Variants in IGFBP1 observed in about 807,000 individuals in gnomAD.
IGFBP1 encodes the protein insulin-like growth factor-binding protein 1.
IGFBP1 carries 31 observed loss-of-function variants against 23.1 expected under a neutral mutation model. The observed-to-expected ratio is 1.34, with a 90% CI of 1.01 to 1.81. The LOEUF is 1.81. Ranked by LOEUF, IGFBP1 falls within the 40% of genes most tolerant of loss-of-function variation. The probability of loss-of-function intolerance (pLI) is 0.00; values close to 1 mark genes in which losing one functional copy is unlikely to be tolerated. For synonymous variants in IGFBP1, 148 were observed against 145.5 expected (o/e 1.02, Z -0.13); for missense variants, 333 against 342.2 (o/e 0.97, Z 0.21).
Position 45,888,844 on chromosome 7 carries a change from C to T in IGFBP1, c.192C>T (p.Ala64=), listed in dbSNP as rs1263779579. Residue 64 remains alanine (A), a synonymous_variant, in exon 1 of 4, where the codon GCC becomes GCT. Transcript: ENST00000275525. ...GCTGCGGCTGTTGCCCGATGTGCGC[C>T]CTGCCTCTGGGCGCCGCGTGCGGCG... ...SAGCGCCPMC[A]LPLGAACGVA... is the part of the protein sequence containing the mutation. 1 of 1,534,458 alleles carries T rather than the reference C, an allele frequency of 6.5e-7. No homozygotes were observed.
At chr7:45,891,150 T>G (rs544244274) in intron 2 of IGFBP1, among the ~76,000 whole-genome samples, 1 of 152,332 alleles carries the variant, frequency 6.6e-6, no homozygotes, top group South Asian at 2.1e-4. Context: ...TAAGTAACAA[T>G]AAGTAATGCA....
intron 3 of IGFBP1, 83 bp downstream of exon 3, chr7:45,892,143 A>G: frequency 6.8e-7 from 1 of 1,476,062 alleles, no homozygotes; most frequent in South Asian, 1.3e-5. Flanking sequence ...CATTCATGTC[A>G]AAGAAGGTCC....
intron 1 of IGFBP1, among the ~76,000 whole-genome samples, chr7:45,890,180 C>T (rs116109983): frequency 9.7e-4 from 147 of 152,272 alleles, no homozygotes; most frequent in African/African-American, 3.0e-3. Flanking sequence ...GCTGAGGTTT[C>T]GAGGCTCCCT....
intron 1 of IGFBP1, 126 bp downstream of exon 1, chr7:45,889,127 T>C: frequency 2.9e-6 from 2 of 695,156 alleles, no homozygotes; most frequent in East Asian, 3.3e-5. Flanking sequence ...CAACTAGAGC[T>C]TGAAACCAGA....
chr7:45,890,199 G>A (rs1787056858), intron 1 of IGFBP1, among the ~76,000 whole-genome samples: 3 of 152,140 alleles, frequency 2.0e-5, no homozygotes, highest in Admixed American at 1.3e-4. Context: ...CTACTAATGC[G>A]GTTAGGAACT....
rs1312510773 is a variant in IGFBP1 at position 45,889,019 on chromosome 7, C to G, written c.349+18C>G. 8 of 1,491,826 alleles carry G rather than the reference C, an allele frequency of 5.4e-6. No homozygotes were observed. The highest frequency in any genetic ancestry group is 7.1e-6 in the Non-Finnish European group (8 of 1,125,828). The allele number at this position is 1,491,826 out of a possible 1,614,324, so 92.4% of individuals were successfully genotyped here. A position where few individuals can be genotyped will look rare whatever the true frequency, so the allele number is the denominator to read the frequency against. On this transcript the variant is annotated intron_variant, in intron 1 of 3. Transcript: ENST00000275525. ...TGCTGCAGGTACCACAGTCCCGCCC[C>G]TGCTCCAGCACCTCCTGCCGCCCGC... is the stretch of plus-strand genomic sequence containing the variant.
intron 1 of IGFBP1, among the ~76,000 whole-genome samples, chr7:45,890,307 C>A (rs1222291003): frequency 2.0e-5 from 3 of 152,178 alleles, no homozygotes; most frequent in African/African-American, 4.8e-5. Context: ...ACGTGGGGCA[C>A]CCTTGCCAGG....
At chr7:45,890,413 G>A (rs1787059335) in intron 1 of IGFBP1, 135 bp from the exon 2 acceptor site, 1 of 828,142 alleles carries the variant, frequency 1.2e-6, no homozygotes. Context: ...GTGAGAGTCA[G>A]TGAAAATCAG....
At position 45,888,915 on chromosome 7, in the gene IGFBP1, C is replaced by CG. The variant is rs747136225; in HGVS notation, c.268dup (p.Glu90GlyfsTer20). 2.1e-5 allele frequency: 31 copies of CG among 1,503,724 alleles called. No individual in the cohort carries two copies. Among genetic ancestry groups the CG allele is most frequent in the Admixed American group, 1.8e-4 (8 of 45,704 alleles). The allele number at this position is 1,503,724 out of a possible 1,614,324, so 93.1% of individuals were successfully genotyped here. ...CGGGGACTCAGTTGCCGCGCGCTGC[C>CG]GGGGGAGCAGCAACCTCTGCACGCC... On this transcript the variant is annotated frameshift_variant, in exon 1 of 4. Transcript: ENST00000275525. LOFTEE classifies it high-confidence loss of function.
chr7:45,890,532 A>C lies in IGFBP1; in HGVS notation c.350-16A>C, dbSNP rs767267362. On this transcript the variant is annotated splice_polypyrimidine_tract_variant and intron_variant, in intron 1 of 3. Transcript: ENST00000275525. Reference sequence around the variant, plus strand: ...CTTTGGGAGGGCTCATGGGGTCTGCAATGTTTCCTTTCCAGAGGCAGGGAG... The same window carrying C: ...CTTTGGGAGGGCTCATGGGGTCTGCCATGTTTCCTTTCCAGAGGCAGGGAG... The C allele has an allele frequency of 3.9e-5, 63 of 1,598,850 alleles. No homozygotes were observed. Among genetic ancestry groups the C allele is most frequent in the Non-Finnish European group, 5.3e-5 (62 of 1,173,696 alleles).
rs763755284 is a variant in IGFBP1, at chr7:45,890,627, T to C, written c.429T>C (p.Pro143=). 4.3e-6 allele frequency: 7 copies of C among 1,613,970 alleles called. No homozygotes were observed. The highest frequency in any genetic ancestry group is 5.9e-6 in the Non-Finnish European group (7 of 1,179,952). Residue 143 remains proline (P), a synonymous_variant, in exon 2 of 4, where the codon CCT becomes CCC. Transcript: ENST00000275525. ...TGGATAATTTCCATCTGATGGCCCC[T>C]TCTGAAGAGGATCATTCCATCCTTT... ...ELLDNFHLMA[P]SEEDHSILWD... is the part of the protein sequence containing the mutation.
chr7:45,889,734 G>A (rs1484774973), intron 1 of IGFBP1, among the ~76,000 whole-genome samples: 1 of 152,186 alleles, frequency 6.6e-6, no homozygotes, highest in Non-Finnish European at 1.5e-5. Context: ...TGGACTGCTT[G>A]CACGTCCTGT....
chr7:45,889,089 G>A lies in IGFBP1; in HGVS notation c.349+88G>A, dbSNP rs1424896116. On this transcript the variant is annotated intron_variant, in intron 1 of 3. Transcript: ENST00000275525. ...CCCCCACTCCCCTAACTACTGGGTG[G>A]GGCTGCAGCCGGGCAGGGGCTTGTC... 49 of 1,022,176 alleles carry A rather than the reference G, an allele frequency of 4.8e-5. No individual in the cohort carries two copies. The East Asian group carries it at 1.5e-3, about 32-fold the overall frequency. 63.3% of individuals were successfully genotyped at this position (1,022,176 alleles called of 1,614,324 possible). A position where few individuals can be genotyped will look rare whatever the true frequency, so the allele number is the denominator to read the frequency against.
At chr7:45,890,006 G>A (rs1787054478) in intron 1 of IGFBP1, among the ~76,000 whole-genome samples, 2 of 152,174 alleles carry the variant, frequency 1.3e-5, no homozygotes, top group Non-Finnish European at 2.9e-5. Context: ...GGGGGTGGAG[G>A]GGGTGTTGCA....
chr7:45,889,396 A>C (rs1311336363), intron 1 of IGFBP1, among the ~76,000 whole-genome samples: 1 of 152,190 alleles, frequency 6.6e-6, no homozygotes, highest in Non-Finnish European at 1.5e-5. Flanking sequence ...CCTTGCCAGC[A>C]CGTGGGCAGC....
rs1388929505 is a variant in IGFBP1, at chr7:45,892,012, A to T, written c.600A>T (p.Lys200Asn). The T allele has an allele frequency of 4.3e-6, 7 of 1,614,068 alleles. No individual in the cohort carries two copies. The highest frequency in any genetic ancestry group is 5.9e-6 in the Non-Finnish European group (7 of 1,180,022). Residue 200 changes from lysine (K) to asparagine (N), a missense_variant, in exon 3 of 4, where the codon AAA becomes AAT. Coordinates refer to ENST00000275525, the MANE Select transcript of IGFBP1 (RefSeq NM_000596.4). Reference protein sequence around the residue: ...AQETSGEEISKFYLPNCNKNG... With the variant: ...AQETSGEEISNFYLPNCNKNG... The stretch of plus-strand genomic sequence containing the variant: ...AGACATCAGGAGAAGAAATTTCCAA[A>T]TTTTACCTGCCAAACTGCAACAAGA...
At position 45,888,964 on chromosome 7, in the gene IGFBP1, C is replaced by A. The variant is rs949506485; in HGVS notation, c.312C>A (p.Cys104Ter). The A allele has an allele frequency of 2.6e-6, 4 of 1,520,276 alleles. No homozygotes were observed. In the South Asian group the frequency reaches 3.6e-5, roughly 14 times the overall value. 94.2% of individuals were successfully genotyped at this position (1,520,276 alleles called of 1,614,324 possible). A position where few individuals can be genotyped will look rare whatever the true frequency, so the allele number is the denominator to read the frequency against. ...LHALTRGQGACVQESDASAPH... is the reference protein window; with the variant it reads ...LHALTRGQGA ...CCCTCACCCGCGGCCAAGGCGCCTGCGTGCAGGAGTCTGACGCCTCCGCTC... is the reference window on the plus strand; with the variant it reads ...CCCTCACCCGCGGCCAAGGCGCCTGAGTGCAGGAGTCTGACGCCTCCGCTC... Residue 104 changes from cysteine to a stop codon, truncating the protein, a stop_gained, in exon 1 of 4, where the codon TGC (cysteine) becomes TGA (stop). Coordinates refer to ENST00000275525, the MANE Select transcript of IGFBP1 (RefSeq NM_000596.4). LOFTEE classifies it high-confidence loss of function.
rs1232100118 is a variant in IGFBP1, at chr7:45,893,467, G to C, written c.*376G>C. 1 of 152,514 alleles carries C rather than the reference G, an allele frequency of 6.6e-6. No individual in the cohort carries two copies. Among genetic ancestry groups the C allele is most frequent in the African/African-American group, 2.4e-5 (1 of 41,464 alleles). 9.4% of individuals were successfully genotyped at this position (152,514 alleles called of 1,614,324 possible). On this transcript the variant is annotated 3_prime_UTR_variant, in exon 4 of 4. Transcript: ENST00000275525. ...ATAAGAGAGAGTAGTTTTTCAGCTA[G>C]TTTGAAGGAGGACGGTTAACTTGTA...
chr7:45,892,822 T>C lies in IGFBP1; in HGVS notation c.649-138T>C, dbSNP rs1051908232. 53 of 705,520 alleles carry C rather than the reference T, an allele frequency of 7.5e-5. 1 individual carries two copies. The Middle Eastern group carries it at 1.3e-3, about 17-fold the overall frequency. The allele number at this position is 705,520 out of a possible 1,614,324, so 43.7% of individuals were successfully genotyped here. ...GAGGGTGTGAGATTTGCCTGCATCA[T>C]GGGCAGCTGGTTTCACAGCCGGGAC... On this transcript the variant is annotated intron_variant, in intron 3 of 3. Transcript: ENST00000275525.
Sources: gnomAD v4.1 joint callset for allele counts (sites outside exome capture counted in the v4.1 genomes callset) on GRCh38, gnomAD v4.1.1 for gene constraint, MANE v1.5 for transcripts, NCBI Gene and HGNC (gene_info 2026-07-23, HGNC 2026-07-21) for gene names.